The following SLC17A5 variants were observed in gnomAD, a reference collection of about 807,000 sequenced individuals.
SLC17A5 encodes sialin.
In SLC17A5, 47 loss-of-function variants were observed where a neutral mutation model predicts 59.4. The observed-to-expected ratio is 0.79, with a 90% CI of 0.63 to 1.01. The LOEUF is 1.01. Ranked by LOEUF, SLC17A5 falls within the 50% of genes least tolerant of loss-of-function variation. The pLI is 0.00. For synonymous variants in SLC17A5, 202 were observed against 210.7 expected (o/e 0.96, Z 0.36); for missense variants, 522 against 595.5 (o/e 0.88, Z 1.28).
chr6:73,621,779 G>A, intron 7 of SLC17A5, 25 bp downstream of exon 7: 17 of 1,549,778 alleles, frequency 1.1e-5, no homozygotes, highest in Non-Finnish European at 1.4e-5. Flanking sequence ...ATATATATAA[G>A]AAGCAGATGA....
chr6:73,618,248 TAAAATAAAA>T (rs1048501472), intron 7 of SLC17A5: 1 of 19,050 alleles, frequency 5.2e-5, no homozygotes, highest in African/African-American at 4.5e-4. Context: ...TAAAATGAAA[TAAAATAAAA>T]TAAAATAAAA....
chr6:73,613,451 T>C (rs1012148551), intron 8 of SLC17A5, among the ~76,000 whole-genome samples: 2 of 152,096 alleles, frequency 1.3e-5, no homozygotes, highest in Non-Finnish European at 2.9e-5. Flanking sequence ...CTGCAACCTC[T>C]GCCTCCTGGG....
At chr6:73,615,525 AC>A in intron 7 of SLC17A5, 78 bp from the exon 8 acceptor site, 1 of 1,439,472 alleles carries the variant, frequency 6.9e-7, no homozygotes, top group Non-Finnish European at 9.7e-7. Context: ...ACAGCCAATG[AC>A]CACCACTTGA....
intron 6 of SLC17A5, among the ~76,000 whole-genome samples, chr6:73,628,445 C>T (rs1293543797): frequency 2.6e-5 from 4 of 152,042 alleles, no homozygotes; most frequent in African/African-American, 9.7e-5. Context: ...GTGATGCGTG[C>T]ATGTAATCCC....
chr6:73,631,987 C>G (rs1199288242), intron 6 of SLC17A5, among the ~76,000 whole-genome samples: 1 of 128,500 alleles, frequency 7.8e-6, no homozygotes, highest in East Asian at 2.0e-4. Flanking sequence ...ACAACACTGT[C>G]AACTATAACG....
intron 7 of SLC17A5, 43 bp from the exon 8 acceptor site, chr6:73,615,490 A>C (rs1316515850): frequency 8.1e-6 from 13 of 1,603,776 alleles, no homozygotes; most frequent in Non-Finnish European, 1.1e-5. Flanking sequence ...CGGTGAGAGA[A>C]AAAAACAAAA....
At chr6:73,606,462 A>G (rs549229524) in intron 9 of SLC17A5, among the ~76,000 whole-genome samples, 10 of 152,336 alleles carry the variant, frequency 6.6e-5, no homozygotes, top group African/African-American at 2.2e-4. Context: ...ATTTGCTGGC[A>G]TCATTTATGT....
At chr6:73,619,812 C>T (rs1452758580) in intron 7 of SLC17A5, among the ~76,000 whole-genome samples, 1 of 151,832 alleles carries the variant, frequency 6.6e-6, no homozygotes, top group African/African-American at 2.4e-5. Flanking sequence ...TTTATTTCTT[C>T]CATATATAGT....
At chr6:73,641,606 A>T in intron 3 of SLC17A5, 85 bp downstream of exon 3, 1 of 1,039,912 alleles carries the variant, frequency 9.6e-7, no homozygotes, top group African/African-American at 1.6e-5. Context: ...TTTTTGGTTC[A>T]TATTCATACC....
In SLC17A5 at chr6:73,600,348, T is replaced by G; in HGVS notation, c.1350+3A>C. On this transcript the variant is annotated splice_donor_region_variant and intron_variant, in intron 10 of 10. Coordinates refer to ENST00000355773, the MANE Select transcript of SLC17A5 (RefSeq NM_012434.5). ...CCAGTTTACAAGTAAATTATCTACT[T>G]ACATCAGGGGTCAGACTTTTAGCAA... 1 of 1,609,554 alleles carries G rather than the reference T, an allele frequency of 6.2e-7. No homozygotes were observed.
intron 1 of SLC17A5, 36 bp downstream of exon 1, chr6:73,653,757 G>A: frequency 6.5e-7 from 1 of 1,532,088 alleles, no homozygotes. Context: ...CGGTACCGCT[G>A]CCCACTCGAA....
Position 73,615,336 on chromosome 6 carries a change from G to A in SLC17A5, c.1090C>T (p.Arg364Cys), listed in dbSNP as rs150686745. 9 of 1,613,892 alleles carry A rather than the reference G, an allele frequency of 5.6e-6. No individual in the cohort carries two copies. Among genetic ancestry groups the A allele is most frequent in the Non-Finnish European group, 6.8e-6 (8 of 1,179,986 alleles). ...TTACCTATAAGGCTAAAAATTCTGC[G>A]AACACATAAAGTTGAAAAATTCCAT... Reference protein sequence around the residue: ...AKWNFSTLCVRRIFSLIGMIG... With the variant: ...AKWNFSTLCVCRIFSLIGMIG... Residue 364 changes from arginine (R) to cysteine (C), a missense_variant, in exon 8 of 11, where the codon CGC (arginine) becomes TGC (cysteine). Transcript: ENST00000355773.
At chr6:73,624,291 C>G (rs2150101925) in intron 6 of SLC17A5, among the ~76,000 whole-genome samples, 1 of 152,020 alleles carries the variant, frequency 6.6e-6, no homozygotes, top group East Asian at 2.0e-4. Context: ...GTAATTCCAG[C>G]TGGTTAAGAG....
chr6:73,599,235 A>T (rs1052494327), intron 10 of SLC17A5, among the ~76,000 whole-genome samples: 7 of 151,950 alleles, frequency 4.6e-5, no homozygotes, highest in African/African-American at 1.7e-4. Flanking sequence ...TTTTTGAGAC[A>T]GGGTCTCCCG....
At chr6:73,651,184 G>A (rs1769840979) in intron 1 of SLC17A5, among the ~76,000 whole-genome samples, 2 of 152,240 alleles carry the variant, frequency 1.3e-5, no homozygotes, top group Admixed American at 1.3e-4. Context: ...ACATAGGCCC[G>A]GCCCGGTGGC....
At chr6:73,635,131 G>T (rs1768935619) in intron 6 of SLC17A5, 1 of 245,838 alleles carries the variant, frequency 4.1e-6, no homozygotes, top group Non-Finnish European at 7.7e-6. Flanking sequence ...TAGAGAAAGG[G>T]TCTCACTATG....
chr6:73,620,848 A>C (rs1489101591), intron 7 of SLC17A5, among the ~76,000 whole-genome samples: 2 of 151,456 alleles, frequency 1.3e-5, no homozygotes, highest in Admixed American at 1.3e-4. Context: ...CAGCCTCCCT[A>C]GTAGCTGGGA....
intron 9 of SLC17A5, 67 bp from the exon 10 acceptor site, chr6:73,600,508 CTTTT>C (rs11349241): frequency 4.2e-3 from 3,289 of 785,002 alleles, no homozygotes; most frequent in Non-Finnish European, 4.8e-3. Context: ...TTCTTTCCTT[CTTTT>C]TTTTTTTTTT....
At chr6:73,603,996 T>A (rs930198889) in intron 9 of SLC17A5, among the ~76,000 whole-genome samples, 1 of 152,162 alleles carries the variant, frequency 6.6e-6, no homozygotes, top group African/African-American at 2.4e-5. Flanking sequence ...CTAATTCAGT[T>A]ATGTATAAAG....
Sources: allele counts gnomAD v4.1 joint callset (sites outside exome capture counted in the v4.1 genomes callset), GRCh38; gene constraint gnomAD v4.1.1; transcripts MANE v1.5; gene names NCBI Gene and HGNC (gene_info 2026-07-23, HGNC 2026-07-21).